MDGA2: variants seen among roughly 807,000 people sequenced by gnomAD.
The protein encoded by MDGA2 is MAM domain containing glycosylphosphatidylinositol anchor 2.
In MDGA2, 40 loss-of-function variants were observed where a neutral mutation model predicts 117.8. The ratio of observed to expected loss-of-function variants is 0.34; its 90% CI spans 0.26 to 0.44. The LOEUF (loss-of-function observed/expected upper bound fraction) is 0.44. MDGA2 is among the 20% of genes least tolerant of loss of function. The pLI, the probability that MDGA2 is intolerant of heterozygous loss-of-function variation, is 1.00. For missense variants in MDGA2, 1,123 were observed against 1,250.6 expected (o/e 0.90, Z 1.54); for synonymous variants, 452 against 439.0 (o/e 1.03, Z -0.37).
At chr14:47,013,302 G>T (rs2138544150) in intron 8 of MDGA2, among the ~76,000 whole-genome samples, 1 of 152,236 alleles carries the variant, frequency 6.6e-6, no homozygotes, top group East Asian at 1.9e-4. Flanking sequence ...TTCATTAGCA[G>T]TAGATTCCAT....
chr14:47,001,514 G>A (rs1011516173), intron 8 of MDGA2, among the ~76,000 whole-genome samples: 6 of 152,032 alleles, frequency 3.9e-5, no homozygotes, highest in Non-Finnish European at 5.9e-5. Context: ...AAGATTTGAT[G>A]TAACCAGGAT....
intron 1 of MDGA2, among the ~76,000 whole-genome samples, chr14:47,522,888 G>T (rs1020864922): frequency 5.3e-5 from 8 of 152,094 alleles, no homozygotes; most frequent in Non-Finnish European, 8.8e-5. Flanking sequence ...ATTTAAAATT[G>T]ATTAGCATCT....
At chr14:47,284,731 A>G (rs1321910711) in intron 2 of MDGA2, among the ~76,000 whole-genome samples, 1 of 152,158 alleles carries the variant, frequency 6.6e-6, no homozygotes, top group East Asian at 1.9e-4. Context: ...TTGTAAAATG[A>G]ATATTAGAAC....
At chr14:47,673,014 A>T (rs1196819322) in intron 1 of MDGA2, among the ~76,000 whole-genome samples, 1 of 152,022 alleles carries the variant, frequency 6.6e-6, no homozygotes, top group African/African-American at 2.4e-5. Flanking sequence ...CTTGGGAAGG[A>T]GGGGTTGGGA....
chr14:47,092,808 T>C (rs1461017097), intron 6 of MDGA2, among the ~76,000 whole-genome samples: 3 of 152,038 alleles, frequency 2.0e-5, no homozygotes, highest in Non-Finnish European at 2.9e-5. Context: ...TTTAGTTGGC[T>C]GCTTAGAGGA....
chr14:47,646,079 CAA>C (rs10533233), intron 1 of MDGA2, among the ~76,000 whole-genome samples: 53,850 of 107,338 alleles, frequency 0.5, 11,659 homozygotes, highest in East Asian at 0.8. Flanking sequence ...GACTCCGTCT[CAA>C]AAAAAAAAAA....
intron 3 of MDGA2, among the ~76,000 whole-genome samples, chr14:47,184,143 A>G (rs941195326): frequency 1.3e-5 from 2 of 151,912 alleles, no homozygotes; most frequent in African/African-American, 4.8e-5. Flanking sequence ...GAACAAAAAC[A>G]TTTATTTTCT....
At chr14:47,101,788 T>C (rs554969821) in intron 5 of MDGA2, among the ~76,000 whole-genome samples, 24 of 152,318 alleles carry the variant, frequency 1.6e-4, no homozygotes, top group African/African-American at 5.5e-4. Flanking sequence ...TAAAGTTTTC[T>C]GAGGTTATGG....
chr14:47,206,133 C>T (rs1224967615), intron 3 of MDGA2, among the ~76,000 whole-genome samples: 2 of 152,012 alleles, frequency 1.3e-5, no homozygotes, highest in Non-Finnish European at 2.9e-5. Context: ...CCTCAGAGAA[C>T]TGCCATTAAG....
chr14:47,635,889 T>C (rs1031503652), intron 1 of MDGA2, among the ~76,000 whole-genome samples: 1 of 152,130 alleles, frequency 6.6e-6, no homozygotes, highest in African/African-American at 2.4e-5. Flanking sequence ...AAGTATTAAA[T>C]TAGAAAACAT....
chr14:47,454,666 T>C (rs2138578048), intron 1 of MDGA2, among the ~76,000 whole-genome samples: 1 of 152,294 alleles, frequency 6.6e-6, no homozygotes, highest in Admixed American at 6.5e-5. Flanking sequence ...TGGTGGTGTC[T>C]TGATAAAAAG....
At chr14:47,282,581 C>A (rs963611052) in intron 2 of MDGA2, among the ~76,000 whole-genome samples, 1 of 151,878 alleles carries the variant, frequency 6.6e-6, no homozygotes, top group Non-Finnish European at 1.5e-5. Context: ...GCCGGTAGTC[C>A]CAGCTATTCG....
chr14:47,510,814 C>T (rs10131061), intron 1 of MDGA2, among the ~76,000 whole-genome samples: 66,129 of 152,076 alleles, frequency 0.43, 14,821 homozygotes, highest in East Asian at 0.61. Context: ...ATTCTTTCTG[C>T]CCTGCTCCAA....
At chr14:47,443,378 C>A (rs1288035347) in intron 1 of MDGA2, among the ~76,000 whole-genome samples, 1 of 152,092 alleles carries the variant, frequency 6.6e-6, no homozygotes. Flanking sequence ...CAGGTATTCA[C>A]TGGGGATGAT....
At chr14:47,504,784 G>A (rs79773909) in intron 1 of MDGA2, among the ~76,000 whole-genome samples, 5,942 of 152,158 alleles carry the variant, frequency 0.039, 390 homozygotes, top group African/African-American at 0.14. Flanking sequence ...AAAACAGTAC[G>A]GAAGTTCCAC....
intron 1 of MDGA2, among the ~76,000 whole-genome samples, chr14:47,324,551 T>C (rs2139888364): frequency 6.6e-6 from 1 of 152,308 alleles, no homozygotes. Context: ...CTCACTGTTT[T>C]ATCAATATTA....
At chr14:47,642,876 G>C (rs565626284) in intron 1 of MDGA2, among the ~76,000 whole-genome samples, 1 of 152,124 alleles carries the variant, frequency 6.6e-6, no homozygotes, top group East Asian at 1.9e-4. Context: ...TTCTTAATGA[G>C]CTGGAGATAG....
chr14:47,513,419 A>G (rs997430180), intron 1 of MDGA2, among the ~76,000 whole-genome samples: 5 of 152,092 alleles, frequency 3.3e-5, no homozygotes, highest in Non-Finnish European at 7.4e-5. Flanking sequence ...GATGTGGAAA[A>G]TGTTGAATCA....
chr14:47,587,427 G>T (rs1896346252), intron 1 of MDGA2, among the ~76,000 whole-genome samples: 1 of 151,604 alleles, frequency 6.6e-6, no homozygotes, highest in Admixed American at 6.6e-5. Context: ...ATTCCTGTTG[G>T]CTTCACTGTG....
Sources: gnomAD v4.1 joint callset for allele counts (sites outside exome capture counted in the v4.1 genomes callset) on GRCh38, gnomAD v4.1.1 for gene constraint, MANE v1.5 for transcripts, NCBI Gene and HGNC (gene_info 2026-07-23, HGNC 2026-07-21) for gene names.